The following LATS2 variants were observed in gnomAD, a reference collection of about 807,000 sequenced individuals.
LATS2 encodes the protein serine/threonine-protein kinase LATS2.
Under a neutral mutation model 76.0 loss-of-function variants are expected in LATS2, and 24 were observed. The observed-to-expected ratio is 0.32, with a 90% CI of 0.23 to 0.44. The LOEUF is 0.44. LATS2 is among the 20% of genes least tolerant of loss of function. LATS2 has a pLI of 1.00. For missense variants in LATS2, 1,286 were observed against 1,481.2 expected (o/e 0.87, Z 2.16); for synonymous variants, 692 against 635.4 (o/e 1.09, Z -1.34).
At chr13:21,029,355 GATATGATT>G (rs948762863) in intron 2 of LATS2, among the ~76,000 whole-genome samples, 1 of 152,084 alleles carries the variant, frequency 6.6e-6, no homozygotes, top group African/African-American at 2.4e-5. Context: ...TTATTTTGTT[GATATGATT>G]AATTATATTG....
intron 2 of LATS2, among the ~76,000 whole-genome samples, chr13:21,014,353 T>C (rs1595235221): frequency 6.6e-6 from 1 of 151,978 alleles, no homozygotes; most frequent in Non-Finnish European, 1.5e-5. Context: ...CAGAGACACA[T>C]GAGCCAAAGA....
intron 2 of LATS2, among the ~76,000 whole-genome samples, chr13:21,036,672 C>G (rs1872691663): frequency 6.6e-6 from 1 of 152,074 alleles, no homozygotes; most frequent in South Asian, 2.1e-4. Context: ...ACTCAAGAGG[C>G]TGAAGCAGGA....
In LATS2 at chr13:20,973,410, T is replaced by C. The variant is rs921911246; in HGVS notation, c.*1460A>G. 5.2e-5 allele frequency: 12 copies of C among 232,038 alleles called. No individual in the cohort carries two copies. Among genetic ancestry groups the C allele is most frequent in the Non-Finnish European group, 9.4e-5 (11 of 117,226 alleles). The allele number at this position is 232,038 out of a possible 1,614,324, so 14.4% of individuals were successfully genotyped here. On this transcript the variant is annotated 3_prime_UTR_variant, in exon 8 of 8. Transcript: ENST00000382592. ...ATAATATAATGAAAATTATGAAGCA[T>C]CAGATTTTTTAAAAAGCAAAAAAGA...
intron 1 of LATS2, among the ~76,000 whole-genome samples, chr13:21,057,032 T>C (rs977964851): frequency 6.6e-6 from 1 of 152,182 alleles, no homozygotes; most frequent in African/African-American, 2.4e-5. Context: ...CGAGTAAGAA[T>C]GGAGTTAACT....
At chr13:21,049,276 C>A (rs1051292013) in intron 1 of LATS2, among the ~76,000 whole-genome samples, 1 of 152,124 alleles carries the variant, frequency 6.6e-6, no homozygotes, top group Non-Finnish European at 1.5e-5. Flanking sequence ...GCAGTCACTG[C>A]CTATGGTTCA....
chr13:21,051,644 AG>A (rs1465155514), intron 1 of LATS2, among the ~76,000 whole-genome samples: 1 of 152,190 alleles, frequency 6.6e-6, no homozygotes, highest in East Asian at 1.9e-4. Flanking sequence ...TGGAGGAGGA[AG>A]GCAGTGACCA....
rs11304766 is a variant in LATS2 at position 21,017,625 on chromosome 13, C to CT, written c.343-26222dup. ...CCTTCAAAAGATGACTCATTTCTTT[C>CT]TTTTTTTTTTTTTGTTTTTGAGATG... On this transcript the variant is annotated intron_variant, in intron 2 of 7. Transcript: ENST00000382592. Among the ~76,000 whole-genome samples the CT allele has an allele frequency of 2.5e-3, 360 of 142,302 alleles. 3 individuals carry two copies. Among genetic ancestry groups the CT allele is most frequent in the African/African-American group, 8.6e-3 (337 of 39,150 alleles). The allele number at this position is 142,302 out of a possible 152,430, so 93.4% of individuals were successfully genotyped here.
intron 2 of LATS2, among the ~76,000 whole-genome samples, chr13:21,017,093 A>G (rs887087221): frequency 1.3e-5 from 2 of 152,236 alleles, no homozygotes; most frequent in Non-Finnish European, 2.9e-5. Flanking sequence ...AAGGACTGGG[A>G]AGCATCCCAG....
At chr13:20,976,489 T>C (rs1184410261) in intron 7 of LATS2, among the ~76,000 whole-genome samples, 1 of 152,158 alleles carries the variant, frequency 6.6e-6, no homozygotes, top group Non-Finnish European at 1.5e-5. Context: ...CGAAGGACAT[T>C]ACTGATAGCA....
intron 7 of LATS2, among the ~76,000 whole-genome samples, chr13:20,979,142 T>C (rs1202179929): frequency 1.3e-5 from 2 of 152,250 alleles, no homozygotes; most frequent in African/African-American, 4.8e-5. Flanking sequence ...GCTTGCTTTA[T>C]TGTAAGAATA....
At chr13:21,032,059 T>C (rs549155227) in intron 2 of LATS2, among the ~76,000 whole-genome samples, 16 of 152,334 alleles carry the variant, frequency 1.1e-4, no homozygotes, top group Admixed American at 3.3e-4. Context: ...CCTGGTGCTA[T>C]TGACTGCCTT....
intron 2 of LATS2, among the ~76,000 whole-genome samples, chr13:21,039,643 G>A (rs1018669784): frequency 6.6e-6 from 1 of 152,186 alleles, no homozygotes; most frequent in African/African-American, 2.4e-5. Flanking sequence ...CAACATGGGA[G>A]GCCTTGTGGG....
At chr13:21,030,453 G>A (rs887588114) in intron 2 of LATS2, among the ~76,000 whole-genome samples, 31 of 151,984 alleles carry the variant, frequency 2.0e-4, no homozygotes, top group Non-Finnish European at 4.6e-4. Flanking sequence ...GCCAGCCGTG[G>A]TGGCGGGCGC....
chr13:21,013,283 C>A (rs1319057984), intron 2 of LATS2, among the ~76,000 whole-genome samples: 1 of 152,216 alleles, frequency 6.6e-6, no homozygotes, highest in Non-Finnish European at 1.5e-5. Context: ...ATGTTCTGCC[C>A]AATTGGACCT....
chr13:21,026,338 A>C (rs527896647), intron 2 of LATS2, among the ~76,000 whole-genome samples: 6 of 152,222 alleles, frequency 3.9e-5, no homozygotes, highest in Admixed American at 1.3e-4. Context: ...ACCATTCTCT[A>C]AACTACTAAA....
At position 20,991,788 on chromosome 13, in the gene LATS2, G is replaced by A. The variant is rs563077702; in HGVS notation, c.343-384C>T. Among the ~76,000 whole-genome samples the A allele has an allele frequency of 6.6e-6, 1 of 152,320 alleles. No homozygotes were observed. The highest frequency in any genetic ancestry group is 1.5e-5 in the Non-Finnish European group (1 of 68,034). ...AGAACTGTGGGAGTCAGGGAACCTG[G>A]CTTTAACCTCAGCTCACCTCCAGGC... On this transcript the variant is annotated intron_variant, in intron 2 of 7. Coordinates refer to ENST00000382592, the MANE Select transcript of LATS2 (RefSeq NM_014572.3). This position sits in a 1 kb window ranked among gnomAD's most constrained non-coding sequence, Gnocchi z 4.9.
At chr13:21,005,918 A>T (rs934440092) in intron 2 of LATS2, among the ~76,000 whole-genome samples, 3 of 152,142 alleles carry the variant, frequency 2.0e-5, no homozygotes, top group Admixed American at 6.5e-5. Context: ...GTTCAAGACC[A>T]GCCTGACTGA....
chr13:20,998,854 T>C (rs1310279318), intron 2 of LATS2, among the ~76,000 whole-genome samples: 2 of 151,640 alleles, frequency 1.3e-5, no homozygotes, highest in Non-Finnish European at 2.9e-5. Context: ...GTGGGGGCCC[T>C]GCGACATTGT....
chr13:21,034,602 G>A (rs752100551), intron 2 of LATS2, among the ~76,000 whole-genome samples: 3 of 152,128 alleles, frequency 2.0e-5, no homozygotes, highest in Admixed American at 1.3e-4. Flanking sequence ...GTGGACTGCC[G>A]TGCCACCACA....
Sources: gnomAD v4.1 joint callset for allele counts (sites outside exome capture counted in the v4.1 genomes callset) on GRCh38, gnomAD v4.1.1 for gene constraint, Gnocchi (gnomAD v3.1) non-coding constraint, MANE v1.5 for transcripts, NCBI Gene and HGNC (gene_info 2026-07-23, HGNC 2026-07-21) for gene names.